Variants in ARMCX4 observed in about 807,000 individuals in gnomAD.
ARMCX4 encodes the protein armadillo repeat-containing X-linked protein 4.
Under a neutral mutation model 34.7 loss-of-function variants are expected in ARMCX4, and 3 were observed. That is an observed-to-expected ratio of 0.09 (90% confidence interval 0.04 to 0.22). The LOEUF is 0.22. ARMCX4 is among the 10% of genes least tolerant of loss of function. The pLI is 1.00. For missense variants in ARMCX4, 1,448 were observed against 1,720.8 expected, an observed-to-expected ratio of 0.84 and a Z score of 2.81; for synonymous variants, 513 against 632.8, an observed-to-expected ratio of 0.81 and a Z score of 2.84.
At position 101,492,806 on chromosome X, in the gene ARMCX4, G is replaced by C. The variant is rs1302229581; in HGVS notation, c.4217G>C (p.Gly1406Ala). ...TTEEGSWAGAGGQAGGGSKVG... is the reference protein window; with the variant it reads ...TTEEGSWAGAAGQAGGGSKVG... ...GAAGAAGGGTCTTGGGCTGGGGCTG[G>C]TGGCCAGGCTGGTGGAGGGTCCAAG... The change falls in exon 6 of 6, where the codon GGT becomes GCT. Residue 1406 changes from glycine to alanine, a missense_variant. Physicochemically the swap from Gly to Ala is moderately conservative, Grantham distance 60. Transcript: ENST00000423738. The C allele has an allele frequency of 8.7e-7, 1 of 1,154,684 alleles. No individual in the cohort carries two copies. Among genetic ancestry groups the C allele is most frequent in the Non-Finnish European group, 1.1e-6 (1 of 872,256 alleles).
chrX:101,459,543 G>C (rs1932508589), intron 4 of ARMCX4, among the ~76,000 whole-genome samples: 2 of 112,069 alleles, frequency 1.8e-5, no homozygotes, highest in African/African-American at 6.5e-5. Flanking sequence ...AAGAAAGCAG[G>C]GTAGGCCAGG....
intron 11 of ARMCX4, among the ~76,000 whole-genome samples, chrX:101,515,822 G>A (rs1934734158): frequency 9.1e-6 from 1 of 109,968 alleles, no homozygotes; most frequent in Admixed American, 9.8e-5. Context: ...GATTACAGGC[G>A]TGAGCCACTG....
chrX:101,523,802 A>G (rs1319744285), intron 11 of ARMCX4, among the ~76,000 whole-genome samples: 1 of 112,412 alleles, frequency 8.9e-6, no homozygotes, highest in Non-Finnish European at 1.9e-5. Flanking sequence ...GAATTTTGTA[A>G]TAACTCTGTT....
chrX:101,432,757 TACAC>T (rs1376780555), intron 2 of ARMCX4, among the ~76,000 whole-genome samples: 30 of 101,338 alleles, frequency 3.0e-4, no homozygotes, highest in African/African-American at 1.0e-3. Context: ...TATGTGTATA[TACAC>T]GTATATATGT....
chrX:101,460,927 A>T (rs782158271), intron 4 of ARMCX4, among the ~76,000 whole-genome samples: 1 of 111,594 alleles, frequency 9.0e-6, no homozygotes, highest in South Asian at 3.8e-4. Context: ...AGAGGCTTAA[A>T]TAATGAAAAC....
At chrX:101,418,561 C>T (rs1320545302) in intron 1 of ARMCX4, among the ~76,000 whole-genome samples, 1 of 111,894 alleles carries the variant, frequency 8.9e-6, no homozygotes, top group Non-Finnish European at 1.9e-5. Context: ...CAGGCCTAGT[C>T]GTGCGACAGG....
In ARMCX4 at chrX:101,489,849, C is replaced by G; in HGVS notation, c.1260C>G (p.Asn420Lys). ...AEAMSDAKVKNRGNPNAMTKA... is the reference protein window; with the variant it reads ...AEAMSDAKVKKRGNPNAMTKA... ...CCATGTCTGATGCTAAGGTTAAGAA[C>G]AGAGGCAATCCCAATGCCATGACTA... Residue 420 changes from asparagine (N) to lysine (K), a missense_variant, in exon 6 of 6, where the codon AAC becomes AAG. Transcript: ENST00000423738. The G allele has an allele frequency of 1.7e-6, 2 of 1,156,166 alleles. No homozygotes were observed. The highest frequency in any genetic ancestry group is 3.2e-5 in the East Asian group (1 of 30,774).
intron 2 of ARMCX4, among the ~76,000 whole-genome samples, chrX:101,421,650 G>A (rs1929261809): frequency 1.8e-5 from 2 of 111,115 alleles, no homozygotes; most frequent in African/African-American, 6.6e-5. Flanking sequence ...TGCACACACT[G>A]TGTCCTCCAG....
rs1556011443 is a variant in ARMCX4, at chrX:101,494,943, G to C, written c.6354G>C (p.Arg2118Ser). Residue 2118 changes from arginine (R) to serine (S), a missense_variant, in exon 6 of 6, where the codon AGG becomes AGC. Arg to Ser is a moderately radical substitution (Grantham distance 110). Transcript: ENST00000423738. Reference sequence around the variant, plus strand: ...TCTCAGTGGCTGCTGAAAACCATAGGAAGGTTAAAACTTACTTAAACCAAG... The same window carrying C: ...TCTCAGTGGCTGCTGAAAACCATAGCAAGGTTAAAACTTACTTAAACCAAG... ...NNISVAAENH[R>S]KVKTYLNQVC... The C allele has an allele frequency of 8.7e-7, 1 of 1,154,892 alleles. No individual in the cohort carries two copies.
At chrX:101,420,005 T>C (rs1378679647) in intron 2 of ARMCX4, among the ~76,000 whole-genome samples, 1 of 112,291 alleles carries the variant, frequency 8.9e-6, no homozygotes, top group African/African-American at 3.2e-5. Context: ...CGGAAGGCAC[T>C]CTCAGACAGT....
chrX:101,441,970 G>A (rs1195739318), intron 2 of ARMCX4, among the ~76,000 whole-genome samples: 1 of 111,908 alleles, frequency 8.9e-6, no homozygotes, highest in Non-Finnish European at 1.9e-5. Flanking sequence ...AGTGCTCAGG[G>A]TGGTTCTGCT....
chrX:101,530,075 A>G (rs1046395131), intron 11 of ARMCX4, among the ~76,000 whole-genome samples: 18 of 112,200 alleles, frequency 1.6e-4, no homozygotes, highest in African/African-American at 5.2e-4. Context: ...CAAAGACTTG[A>G]AACCAACACA....
rs782471626 is a variant in ARMCX4 at position 101,421,325 on chromosome X, A to G, written n.164+2325A>G. On this transcript the variant is annotated intron_variant and non_coding_transcript_variant, in intron 2 of 3. Coordinates refer to the ARMCX4 transcript ENST00000430461. ...TTATTAGAAGCCATTTCAACAATCT[A>G]GAGTAGAGGTAATAGTAGCTTGTAC... Among the ~76,000 whole-genome samples, 155 of 110,691 alleles carry G rather than the reference A, an allele frequency of 1.4e-3. 1 individual carries two copies. Among genetic ancestry groups the G allele is most frequent in the Non-Finnish European group, 1.2e-3 (61 of 52,882 alleles).
chrX:101,503,750 G>C, intron 7 of ARMCX4, among the ~76,000 whole-genome samples: 1 of 111,246 alleles, frequency 9.0e-6, no homozygotes, highest in Non-Finnish European at 1.9e-5. Flanking sequence ...TGTTCACTCT[G>C]ATGGTAGTTT....
downstream of ARMCX4, among the ~76,000 whole-genome samples, chrX:101,450,509 A>G (rs1427822735): frequency 8.9e-6 from 1 of 111,913 alleles, no homozygotes; most frequent in Non-Finnish European, 1.9e-5. Flanking sequence ...AATGCTGTCC[A>G]TGAGGCAAGG....
At chrX:101,517,795 T>G (rs782678595) in intron 11 of ARMCX4, among the ~76,000 whole-genome samples, 1 of 111,300 alleles carries the variant, frequency 9.0e-6, no homozygotes, top group Non-Finnish European at 1.9e-5. Context: ...AAAAGAAAGA[T>G]TGAGTGACAT....
At chrX:101,512,685 T>C (rs1049055104) in intron 11 of ARMCX4, among the ~76,000 whole-genome samples, 1 of 109,026 alleles carries the variant, frequency 9.2e-6, no homozygotes, top group East Asian at 2.9e-4. Flanking sequence ...TTGAGATAAA[T>C]GCATATGTTG....
chrX:101,448,226 C>A (rs1381706177), downstream of ARMCX4, among the ~76,000 whole-genome samples: 2 of 112,141 alleles, frequency 1.8e-5, no homozygotes, highest in Non-Finnish European at 3.8e-5. Flanking sequence ...ACCACATTTT[C>A]TTTATCCACT....
chrX:101,444,333 A>G (rs185732020), intron 3 of ARMCX4, among the ~76,000 whole-genome samples: 1 of 113,251 alleles, frequency 8.8e-6, no homozygotes, highest in Admixed American at 9.3e-5. Context: ...TTGGTCTGCC[A>G]TTAGGCAAGA....
Sources: allele counts gnomAD v4.1 joint callset (sites outside exome capture counted in the v4.1 genomes callset), GRCh38; gene constraint gnomAD v4.1.1; transcripts MANE v1.5; gene names NCBI Gene and HGNC (gene_info 2026-07-23, HGNC 2026-07-21).